SIK3: variants seen among roughly 807,000 people sequenced by gnomAD.
The protein encoded by SIK3 is SIK family kinase 3, also known as serine/threonine-protein kinase SIK3.
In SIK3, 28 loss-of-function variants were observed where a neutral mutation model predicts 144.2. The ratio of observed to expected loss-of-function variants is 0.19; its 90% CI spans 0.14 to 0.27. The LOEUF is 0.27. Ranked by LOEUF, SIK3 falls within the 10% of genes least tolerant of loss-of-function variation. The probability of loss-of-function intolerance (pLI) is 1.00; values close to 1 mark genes in which losing one functional copy is unlikely to be tolerated. For synonymous variants in SIK3, 686 were observed against 676.3 expected (o/e 1.01, Z -0.22); for missense variants, 1,319 against 1,776.0 (o/e 0.74, Z 4.62).
intron 1 of SIK3, among the ~76,000 whole-genome samples, chr11:116,962,643 C>T (rs1021657165): frequency 2.6e-5 from 4 of 152,062 alleles, no homozygotes; most frequent in East Asian, 3.8e-4. Context: ...AGAACATTCT[C>T]GGCTCAGCTC....
chr11:116,960,665 G>C (rs1410348047), intron 1 of SIK3, among the ~76,000 whole-genome samples: 3 of 152,136 alleles, frequency 2.0e-5, no homozygotes, highest in Admixed American at 6.5e-5. Flanking sequence ...ACCTAGAACA[G>C]GTTACTTAAT....
intron 1 of SIK3, among the ~76,000 whole-genome samples, chr11:117,039,031 CG>C (rs1161622248): frequency 6.6e-6 from 1 of 151,852 alleles, no homozygotes; most frequent in East Asian, 1.9e-4. Context: ...GCCTGGGCGA[CG>C]GAGTGAGACT....
intron 3 of SIK3, among the ~76,000 whole-genome samples, chr11:116,948,959 C>A (rs1042157558): frequency 6.6e-6 from 1 of 151,938 alleles, no homozygotes. Context: ...AGGAAACATT[C>A]GGGAAATTCA....
intron 1 of SIK3, among the ~76,000 whole-genome samples, chr11:116,992,102 A>T (rs607273): frequency 0.89 from 135,223 of 152,068 alleles, 60,373 homozygotes; most frequent in African/African-American, 0.92. Context: ...AGCGGGCAGA[A>T]CACTTGAGGT....
chr11:116,914,887 A>G (rs1206557329), intron 4 of SIK3, among the ~76,000 whole-genome samples: 1 of 152,230 alleles, frequency 6.6e-6, no homozygotes, highest in Non-Finnish European at 1.5e-5. Context: ...CCTCCCGGGA[A>G]AGAAATTTTA....
At chr11:117,087,085 T>C (rs1955049059) in intron 1 of SIK3, among the ~76,000 whole-genome samples, 1 of 152,038 alleles carries the variant, frequency 6.6e-6, no homozygotes, top group African/African-American at 2.4e-5. Flanking sequence ...TTTCTCCAGT[T>C]TGGGTTTTTG....
intron 1 of SIK3, among the ~76,000 whole-genome samples, chr11:116,960,512 C>T (rs1198912078): frequency 6.6e-6 from 1 of 152,068 alleles, no homozygotes; most frequent in Non-Finnish European, 1.5e-5. Flanking sequence ...CAGAATGAGA[C>T]ACTTTCTCCA....
chr11:116,986,572 T>C (rs1016776779), intron 1 of SIK3, among the ~76,000 whole-genome samples: 1 of 152,234 alleles, frequency 6.6e-6, no homozygotes, highest in African/African-American at 2.4e-5. Flanking sequence ...GAACTTCCTT[T>C]ATGTATCTAT....
At chr11:116,994,928 A>G (rs940244683) in intron 1 of SIK3, among the ~76,000 whole-genome samples, 1 of 151,042 alleles carries the variant, frequency 6.6e-6, no homozygotes, top group African/African-American at 2.4e-5. Context: ...TTTTCCAGGC[A>G]CTTCTCACCT....
chr11:116,945,045 C>T (rs1385008542), intron 3 of SIK3, among the ~76,000 whole-genome samples: 6 of 152,076 alleles, frequency 3.9e-5, no homozygotes, highest in Non-Finnish European at 8.8e-5. Context: ...CTGCAAGCTC[C>T]GCCTCCCGGG....
chr11:116,863,767 G>A lies in SIK3; in HGVS notation c.2004C>T (p.Ser668=). 1 of 1,614,164 alleles carries A rather than the reference G, an allele frequency of 6.2e-7. No homozygotes were observed. Residue 668 remains serine (S), a synonymous_variant, in exon 16 of 25, where the codon TCC becomes TCT. Transcript: ENST00000445177. ...CCCCATCTGAGAACCGGCGCACAGG[G>A]GAGAAACGCTCCGTAGGGAGGTGCA... ...NTLHLPTERF[S]PVRRFSDGAA...
chr11:116,874,997 T>C (rs1186855146), intron 11 of SIK3, among the ~76,000 whole-genome samples, 161 bp downstream of exon 11: 1 of 152,338 alleles, frequency 6.6e-6, no homozygotes, highest in East Asian at 1.9e-4. Flanking sequence ...ATTTTAATTG[T>C]CTACATACAT....
intron 1 of SIK3, among the ~76,000 whole-genome samples, chr11:117,028,731 T>C (rs1334000106): frequency 3.3e-5 from 5 of 152,014 alleles, no homozygotes; most frequent in Middle Eastern, 3.2e-3. Context: ...ATATCAGGCA[T>C]GGCCAGGGAT....
rs140309460 is a variant in SIK3 at position 116,911,927 on chromosome 11, C to T, written c.617-14610G>A. Among the ~76,000 whole-genome samples, 18 of 152,194 alleles carry T rather than the reference C, an allele frequency of 1.2e-4. No individual in the cohort carries two copies. The East Asian group carries it at 3.1e-3, about 26-fold the overall frequency. ...AAATGATGAATATTCTAAAGAGTTA[C>T]GGAAGAACAGGGAGAAACAGAAGAA... On this transcript the variant is annotated intron_variant, in intron 4 of 24. Coordinates refer to ENST00000445177, the MANE Select transcript of SIK3 (RefSeq NM_001366686.3).
At chr11:117,082,597 G>A (rs1212211250) in intron 1 of SIK3, among the ~76,000 whole-genome samples, 1 of 152,160 alleles carries the variant, frequency 6.6e-6, no homozygotes, top group African/African-American at 2.4e-5. Flanking sequence ...AAATTAATTT[G>A]TGGTTGCTTA....
chr11:117,013,952 T>G (rs1259145075), intron 1 of SIK3, among the ~76,000 whole-genome samples: 4 of 56,230 alleles, frequency 7.1e-5, no homozygotes, highest in African/African-American at 2.2e-4. Context: ...GTGTGTGTGT[T>G]TTATTTCTTT....
intron 5 of SIK3, among the ~76,000 whole-genome samples, chr11:116,896,956 G>A (rs573292410): frequency 2.1e-4 from 32 of 151,092 alleles, no homozygotes; most frequent in South Asian, 1.9e-3. Flanking sequence ...GAACCTGGGA[G>A]GTGGAGGTTG....
At chr11:117,095,423 A>T (rs1439574264) in intron 1 of SIK3, among the ~76,000 whole-genome samples, 1 of 152,010 alleles carries the variant, frequency 6.6e-6, no homozygotes, top group East Asian at 1.9e-4. Context: ...CAGATGGGGG[A>T]AAAAAATAAC....
At chr11:116,847,872 C>T (rs568981614) in intron 22 of SIK3, among the ~76,000 whole-genome samples, 2 of 152,304 alleles carry the variant, frequency 1.3e-5, no homozygotes, top group South Asian at 2.1e-4. Context: ...ACCTACATGG[C>T]CTTCTAAAAC....
Sources: allele counts gnomAD v4.1 joint callset (sites outside exome capture counted in the v4.1 genomes callset), GRCh38; gene constraint gnomAD v4.1.1; transcripts MANE v1.5; gene names NCBI Gene and HGNC (gene_info 2026-07-23, HGNC 2026-07-21).